Variants in ADGRB2 observed in about 807,000 individuals in gnomAD.
ADGRB2 encodes the protein brain-specific angiogenesis inhibitor 2.
Under a neutral mutation model 178.7 loss-of-function variants are expected in ADGRB2, and 47 were observed. The ratio of observed to expected loss-of-function variants is 0.26; its 90% CI spans 0.21 to 0.34. The LOEUF (loss-of-function observed/expected upper bound fraction) is 0.34, where lower values mean the gene tolerates loss of function less well. Ranked by LOEUF, ADGRB2 falls within the 10% of genes least tolerant of loss-of-function variation. The pLI is 1.00. For missense variants in ADGRB2, 1,584 were observed against 2,180.8 expected (o/e 0.73, Z 5.45); for synonymous variants, 870 against 912.4 (o/e 0.95, Z 0.84).
intron 26 of ADGRB2, 24 bp from the exon 27 acceptor site, chr1:31,732,636 G>C (rs1645350579): frequency 1.2e-6 from 2 of 1,610,874 alleles, no homozygotes; most frequent in Non-Finnish European, 1.7e-6. Flanking sequence ...GCGCCTGCTG[G>C]GCCTGAGGCC....
chr1:31,758,545 C>G lies in ADGRB2; in HGVS notation c.-190-1034G>C, dbSNP rs2149067885. The G allele has an allele frequency of 6.5e-6, 1 of 153,050 alleles. No homozygotes were observed. The highest frequency in any genetic ancestry group is 2.4e-5 in the African/African-American group (1 of 41,578). 9.5% of individuals were successfully genotyped at this position (153,050 alleles called of 1,614,324 possible). A position where few individuals can be genotyped will look rare whatever the true frequency, so the allele number is the denominator to read the frequency against. On this transcript the variant is annotated intron_variant, in intron 1 of 32. Coordinates refer to ENST00000373658, the MANE Select transcript of ADGRB2 (RefSeq NM_001364857.2). This position sits in a 1 kb window ranked among gnomAD's most constrained non-coding sequence, Gnocchi z 4.2. ...GGGGGGACAGAATTTAGAACCCCAA[C>G]TTTCCAGTCCCTGTGCAGCATCCAT...
In ADGRB2 at chr1:31,741,979, G is replaced by A. The variant is rs1430603792; in HGVS notation, c.1418-12C>T. 6.3e-7 allele frequency: 1 copy of A among 1,586,038 alleles called. No homozygotes were observed. The highest frequency in any genetic ancestry group is 2.3e-5 in the East Asian group (1 of 44,438). On this transcript the variant is annotated splice_polypyrimidine_tract_variant and intron_variant, in intron 8 of 32. Coordinates refer to ENST00000373658, the MANE Select transcript of ADGRB2 (RefSeq NM_001364857.2). This position sits in a 1 kb window ranked among gnomAD's most constrained non-coding sequence, Gnocchi z 6.5. Reference sequence around the variant, plus strand: ...CTTGCTATCAGTGGCTGTGGGAGAGGTGAGGCATATGAGTGGGCCCAGGTA... The same window carrying A: ...CTTGCTATCAGTGGCTGTGGGAGAGATGAGGCATATGAGTGGGCCCAGGTA...
chr1:31,731,001 T>C lies in ADGRB2; in HGVS notation c.4179A>G (p.Glu1393=). ...RRAAKTVAHT[E]GYPSFLSVDH... is the part of the protein sequence containing the mutation. ...CCACGGACAGGAAGCTGGGGTAGCC[T>C]TCAGTGTGGGCCACTGTCTTGGCAG... The change falls in exon 29 of 33, where the codon GAA becomes GAG. Residue 1393 remains glutamate, a synonymous_variant. Transcript: ENST00000373658. 1 of 1,572,538 alleles carries C rather than the reference T, an allele frequency of 6.4e-7. No individual in the cohort carries two copies. The highest frequency in any genetic ancestry group is 2.3e-5 in the East Asian group (1 of 44,268).
In ADGRB2 at chr1:31,755,608, G is replaced by C. The variant is rs750917215; in HGVS notation, c.838+391C>G. 6.6e-6 allele frequency among the ~76,000 whole-genome samples: 1 copy of C among 151,998 alleles called. No individual in the cohort carries two copies. The highest frequency in any genetic ancestry group is 1.5e-5 in the Non-Finnish European group (1 of 68,002). On this transcript the variant is annotated intron_variant, in intron 4 of 32. Coordinates refer to ENST00000373658, the MANE Select transcript of ADGRB2 (RefSeq NM_001364857.2). This position sits in a 1 kb window ranked among gnomAD's most constrained non-coding sequence, Gnocchi z 5.1. ...AACTTGCAGCGCCAGGGCCTGCCAC[G>C]ATCATTCCCAGCCTTGGGCCTTTGT...
In ADGRB2 at chr1:31,735,573, C is replaced by T. The variant is rs555336600; in HGVS notation, c.3353+7G>A. On this transcript the variant is annotated splice_region_variant and intron_variant, in intron 24 of 32. Transcript: ENST00000373658. This position sits in a 1 kb window ranked among gnomAD's most constrained non-coding sequence, Gnocchi z 6.0. ...GAAAGGCCAAGTCTCAGAGGCCCCC[C>T]CCTTACCCGGCCCTCTGCTTCTTGG... 1 of 1,613,756 alleles carries T rather than the reference C, an allele frequency of 6.2e-7. No individual in the cohort carries two copies. The highest frequency in any genetic ancestry group is 8.5e-7 in the Non-Finnish European group (1 of 1,179,674).
intron 29 of ADGRB2, among the ~76,000 whole-genome samples, chr1:31,730,061 C>T (rs1387341754): frequency 6.6e-6 from 1 of 152,230 alleles, no homozygotes; most frequent in African/African-American, 2.4e-5. Context: ...TAACCACATC[C>T]CCTTCATGAC....
rs1645949181 is a variant in ADGRB2 at position 31,741,272 on chromosome 1, T to C, written c.1794+101A>G. The C allele has an allele frequency of 2.4e-6, 3 of 1,263,842 alleles. No individual in the cohort carries two copies. The highest frequency in any genetic ancestry group is 1.5e-5 in the African/African-American group (1 of 67,458). The allele number at this position is 1,263,842 out of a possible 1,614,324, so 78.3% of individuals were successfully genotyped here. Reference sequence around the variant, plus strand: ...GCCAGGCAGAAGTGGGCACAGCATATGCCAAGGCACGTGGGAACGAGCGAG... The same window carrying C: ...GCCAGGCAGAAGTGGGCACAGCATACGCCAAGGCACGTGGGAACGAGCGAG... On this transcript the variant is annotated intron_variant, in intron 11 of 32. Coordinates refer to ENST00000373658, the MANE Select transcript of ADGRB2 (RefSeq NM_001364857.2). The surrounding 1 kb of genome is among the most constrained non-coding windows in gnomAD (Gnocchi z 6.5).
chr1:31,746,937 G>C (rs1301408114), intron 4 of ADGRB2, among the ~76,000 whole-genome samples: 1 of 152,180 alleles, frequency 6.6e-6, no homozygotes, highest in Admixed American at 6.5e-5. Flanking sequence ...GTCAGTGACT[G>C]CTCTGCAGCC....
Position 31,728,145 on chromosome 1 carries a change from G to A in ADGRB2, c.4515+37C>T, listed in dbSNP as rs776097175. On this transcript the variant is annotated intron_variant, in intron 31 of 32. Coordinates refer to ENST00000373658, the MANE Select transcript of ADGRB2 (RefSeq NM_001364857.2). This position sits in a 1 kb window ranked among gnomAD's most constrained non-coding sequence, Gnocchi z 6.7. Reference sequence around the variant, plus strand: ...GCCACTGCACCAGGTCAGGCCCTGAGCTTCAGGGCAGGGGCAGCCACGGGA... The same window carrying A: ...GCCACTGCACCAGGTCAGGCCCTGAACTTCAGGGCAGGGGCAGCCACGGGA... 1.9e-6 allele frequency: 3 copies of A among 1,613,810 alleles called. No individual in the cohort carries two copies. The highest frequency in any genetic ancestry group is 2.5e-6 in the Non-Finnish European group (3 of 1,179,862).
chr1:31,763,518 TG>T (rs1465675623), intron 1 of ADGRB2, among the ~76,000 whole-genome samples: 17 of 52,474 alleles, frequency 3.2e-4, no homozygotes, highest in African/African-American at 1.3e-3. Flanking sequence ...CTAATAAAGG[TG>T]GGGGGCACAC....
rs958549709 is a variant in ADGRB2 at position 31,740,249 on chromosome 1, C to T, written c.1990-71G>A. ...CAGGGGGCTTCCCCCACTATAGCCA[C>T]ACTTGCCGCCTCTACAGCAGACTCT... On this transcript the variant is annotated intron_variant, in intron 12 of 32. Transcript: ENST00000373658. This position sits in a 1 kb window ranked among gnomAD's most constrained non-coding sequence, Gnocchi z 5.9. 48 of 1,608,506 alleles carry T rather than the reference C, an allele frequency of 3.0e-5. No homozygotes were observed. The highest frequency in any genetic ancestry group is 2.7e-4 in the East Asian group (12 of 44,794).
At chr1:31,763,109 T>C (rs1037249889) in intron 1 of ADGRB2, among the ~76,000 whole-genome samples, 5 of 150,342 alleles carry the variant, frequency 3.3e-5, no homozygotes, top group Admixed American at 2.6e-4. Flanking sequence ...AGGATAGGGA[T>C]GGGGGATGGA....
At position 31,733,991 on chromosome 1, in the gene ADGRB2, C is replaced by G. The variant is rs1304769495; in HGVS notation, c.3453-848G>C. On this transcript the variant is annotated intron_variant, in intron 25 of 32. Transcript: ENST00000373658. This position sits in a 1 kb window ranked among gnomAD's most constrained non-coding sequence, Gnocchi z 4.3. ...CCCCCAGTGGGAGAGTCAGGCACAG[C>G]TCTAGGCATGGCAGAGGGTGGCACC... Among the ~76,000 whole-genome samples, 1 of 152,218 alleles carries G rather than the reference C, an allele frequency of 6.6e-6. No individual in the cohort carries two copies. The highest frequency in any genetic ancestry group is 1.5e-5 in the Non-Finnish European group (1 of 68,038).
chr1:31,740,335 C>T lies in ADGRB2; in HGVS notation c.1989+12G>A. ...TTCTCCACCCTCCGCCCTCCTTCCT[C>T]CTAGGCAGTACCTGCACATCATCAG... On this transcript the variant is annotated intron_variant, in intron 12 of 32. Transcript: ENST00000373658. The surrounding 1 kb of genome is among the most constrained non-coding windows in gnomAD (Gnocchi z 5.9). 1.2e-6 allele frequency: 2 copies of T among 1,609,832 alleles called. No individual in the cohort carries two copies. Among genetic ancestry groups the T allele is most frequent in the Non-Finnish European group, 1.7e-6 (2 of 1,177,256 alleles).
chr1:31,730,253 G>A (rs1345138917), intron 29 of ADGRB2, among the ~76,000 whole-genome samples: 1 of 152,218 alleles, frequency 6.6e-6, no homozygotes, highest in African/African-American at 2.4e-5. Flanking sequence ...AGTTACCACA[G>A]GCCTGTGGGC....
chr1:31,746,397 T>C (rs1035583219), intron 4 of ADGRB2, among the ~76,000 whole-genome samples: 3 of 151,922 alleles, frequency 2.0e-5, no homozygotes, highest in African/African-American at 7.3e-5. Flanking sequence ...ACAGAGGAGG[T>C]GGCAGGGCCA....
At chr1:31,736,005 G>T in intron 22 of ADGRB2, 112 bp from the exon 23 acceptor site, 2 of 1,182,250 alleles carry the variant, frequency 1.7e-6, no homozygotes, top group Non-Finnish European at 2.4e-6. Context: ...AGTGCAGTCT[G>T]AGCCCCAGAC....
chr1:31,730,018 T>C (rs950551437), intron 29 of ADGRB2, among the ~76,000 whole-genome samples: 19 of 152,238 alleles, frequency 1.2e-4, no homozygotes, highest in Non-Finnish European at 2.2e-4. Context: ...GAACAGCCAA[T>C]TGTGGCTAAG....
intron 20 of ADGRB2, among the ~76,000 whole-genome samples, chr1:31,737,003 C>T (rs755719311): frequency 5.9e-5 from 9 of 152,330 alleles, no homozygotes; most frequent in East Asian, 1.9e-4. Flanking sequence ...GCACCTGCCA[C>T]GTCACAGCTG....
Sources: allele counts gnomAD v4.1 joint callset (sites outside exome capture counted in the v4.1 genomes callset), GRCh38; gene constraint gnomAD v4.1.1; non-coding constraint Gnocchi (gnomAD v3.1); transcripts MANE v1.5; gene names NCBI Gene and HGNC (gene_info 2026-07-23, HGNC 2026-07-21).